Variants in EXTL2 observed in about 807,000 individuals in gnomAD.
The protein encoded by EXTL2 is exostosin like glycosyltransferase 2, also known as exostosin-like 2.
Under a neutral mutation model 30.7 loss-of-function variants are expected in EXTL2, and 23 were observed. The observed-to-expected ratio is 0.75, with a 90% confidence interval of 0.54 to 1.06. The LOEUF is 1.06. Ranked by LOEUF, EXTL2 falls within the 50% of genes least tolerant of loss-of-function variation. EXTL2 has a pLI of 0.00. For synonymous variants in EXTL2, 123 were observed against 133.8 expected, an observed-to-expected ratio of 0.92 and a Z score of 0.56; for missense variants, 352 against 396.3, an observed-to-expected ratio of 0.89 and a Z score of 0.95.
chr1:100,881,406 G>A (rs967943984), intron 2 of EXTL2, among the ~76,000 whole-genome samples: 2 of 152,222 alleles, frequency 1.3e-5, no homozygotes. Context: ...AGCTTTGAAT[G>A]AGAGATATGA....
At chr1:100,891,620 G>T (rs1487398302) in intron 1 of EXTL2, among the ~76,000 whole-genome samples, 2 of 152,140 alleles carry the variant, frequency 1.3e-5, no homozygotes, top group African/African-American at 2.4e-5. Flanking sequence ...TGGTTGGCAG[G>T]TCCAGGTGGG....
chr1:100,879,170 C>A (rs1649371026), intron 2 of EXTL2, among the ~76,000 whole-genome samples: 1 of 152,150 alleles, frequency 6.6e-6, no homozygotes, highest in Admixed American at 6.6e-5. Context: ...CATTTCATTT[C>A]CATGCTTGCT....
Position 100,894,659 on chromosome 1 carries a change from C to T in EXTL2, c.-98G>A, listed in dbSNP as rs3737580. ...TCGAGTGCAGTAGATTGCAGTAGGG[C>T]CAGCCGATTTATTTCCCTGCAGCTT... is the stretch of plus-strand genomic sequence containing the variant. On this transcript the variant is annotated 5_prime_UTR_variant, in exon 1 of 5. Coordinates refer to ENST00000370114, the MANE Select transcript of EXTL2 (RefSeq NM_001033025.3). 0.074 allele frequency: 11,289 copies of T among 152,222 alleles called. 570 individuals are homozygous for T. Among genetic ancestry groups the T allele is most frequent in the South Asian group, 0.19 (913 of 4,818 alleles). The allele number at this position is 152,222 out of a possible 1,614,324, so 9.4% of individuals were successfully genotyped here.
chr1:100,881,092 C>A, intron 2 of EXTL2: 1 of 914,140 alleles, frequency 1.1e-6, no homozygotes, highest in Non-Finnish European at 1.3e-6. Flanking sequence ...TAATTTATGT[C>A]TTTAGAAACA....
At chr1:100,888,276 A>C (rs1331789243) in intron 2 of EXTL2, 1 of 152,498 alleles carries the variant, frequency 6.6e-6, no homozygotes, top group Non-Finnish European at 1.5e-5. Context: ...TACAAGAGTC[A>C]AAAGGCAGAA....
rs1463353421 is a variant in EXTL2, at chr1:100,874,157, A to G, written c.778T>C (p.Ser260Pro). 4 of 1,613,002 alleles carry G rather than the reference A, an allele frequency of 2.5e-6. No homozygotes were observed. The South Asian group carries it at 3.3e-5, about 13-fold the overall frequency. The change falls in exon 5 of 5, where the codon TCA (serine) becomes CCA (proline). Residue 260 changes from serine to proline, a missense_variant. By Grantham distance (74) the Ser-to-Pro change is moderately conservative. Transcript: ENST00000370114. ...TTTACAGGCTTCACAAATATCCCTG[A>G]AGTCTTGCCAATATGCTTGGCAATG... is the stretch of plus-strand genomic sequence containing the variant. The part of the protein sequence containing the change: ...FIIAKHIGKT[S>P]GIFVKPVNMD...
Position 100,888,737 on chromosome 1 carries a change from A to C in EXTL2, c.5+16T>G, listed in dbSNP as rs115405427. ...TTACAACAGTTAAACAAAAGCCAAA[A>C]AATATTGGTACTTACCTCATTGTGT... is the stretch of plus-strand genomic sequence containing the variant. On this transcript the variant is annotated intron_variant, in intron 2 of 4. Transcript: ENST00000370114. 1.4e-3 allele frequency: 2,011 copies of C among 1,484,616 alleles called. 24 individuals carry two copies. In the African/African-American group the frequency reaches 0.019, roughly 14 times the overall value. The allele number at this position is 1,484,616 out of a possible 1,614,324, so 92.0% of individuals were successfully genotyped here. A position where few individuals can be genotyped will look rare whatever the true frequency, so the allele number is the denominator to read the frequency against.
chr1:100,878,597 T>A (rs1649316468), intron 2 of EXTL2: 1 of 397,072 alleles, frequency 2.5e-6, no homozygotes, highest in African/African-American at 2.1e-5. Context: ...AAAGAATAAA[T>A]CAGAATAAGC....
chr1:100,881,333 A>G (rs774937843), intron 2 of EXTL2, among the ~76,000 whole-genome samples: 23 of 152,192 alleles, frequency 1.5e-4, no homozygotes, highest in Admixed American at 6.5e-4. Flanking sequence ...AGGATTTCAC[A>G]GTTTTTGGCG....
intron 2 of EXTL2, among the ~76,000 whole-genome samples, chr1:100,883,052 C>A (rs532105761): frequency 2.8e-4 from 43 of 152,250 alleles, no homozygotes; most frequent in African/African-American, 1.0e-3. Context: ...AGCAGCAGAA[C>A]CAAGAGAAGA....
chr1:100,885,742 A>G (rs1275854801), intron 2 of EXTL2: 1 of 152,214 alleles, frequency 6.6e-6, no homozygotes, highest in Non-Finnish European at 1.5e-5. Context: ...GTTTTTACCC[A>G]CATTCAGGAA....
rs778543006 is a variant in EXTL2, at chr1:100,874,012, G to A, written c.923C>T (p.Pro308Leu). ...AATCATAATGTTGGAGTATCTTAAG[G>A]GCATGCTATCATAGATATTAACAAG... is the stretch of plus-strand genomic sequence containing the variant. ...NKLVNIYDSM[P>L]LRYSNIMISQ... Residue 308 changes from proline (P) to leucine (L), a missense_variant, in exon 5 of 5, where the codon CCC becomes CTC. Pro to Leu is a moderately conservative substitution (Grantham distance 98). Transcript: ENST00000370114. 1 of 1,612,184 alleles carries A rather than the reference G, an allele frequency of 6.2e-7. No homozygotes were observed. Among genetic ancestry groups the A allele is most frequent in the Non-Finnish European group, 8.5e-7 (1 of 1,179,094 alleles).
chr1:100,877,352 T>C lies in EXTL2; in HGVS notation c.433+124A>G. The C allele has an allele frequency of 1.2e-6, 1 of 850,730 alleles. No individual in the cohort carries two copies. The highest frequency in any genetic ancestry group is 1.8e-6 in the Non-Finnish European group (1 of 569,510). The allele number at this position is 850,730 out of a possible 1,614,324, so 52.7% of individuals were successfully genotyped here. On this transcript the variant is annotated intron_variant, in intron 3 of 4. Transcript: ENST00000370114. This position sits in a 1 kb window ranked among gnomAD's most constrained non-coding sequence, Gnocchi z 4.1. ...TTGTCCCTCAAGCTTTCCAAAGTGCTTTCTTAGGACTAACTTCCTTCATTT... is the reference window on the plus strand; with the variant it reads ...TTGTCCCTCAAGCTTTCCAAAGTGCCTTCTTAGGACTAACTTCCTTCATTT...
rs775551984 is a variant in EXTL2, at chr1:100,877,693, C to G, written c.216G>C (p.Thr72=). Residue 72 remains threonine, a synonymous_variant, in exon 3 of 5, where the codon ACG becomes ACC. Transcript: ENST00000370114. The surrounding 1 kb of genome is among the most constrained non-coding windows in gnomAD (Gnocchi z 4.1). ...TCAATAAGAGATCTGTTCTGTTGTA[C>G]GTCTGCATTATGAGAGTAAAGGAGT... ...TMDSFTLIMQ[T]YNRTDLLLKL... is the part of the protein sequence containing the mutation. 1 of 1,613,464 alleles carries G rather than the reference C, an allele frequency of 6.2e-7. No individual in the cohort carries two copies. Among genetic ancestry groups the G allele is most frequent in the Non-Finnish European group, 8.5e-7 (1 of 1,179,620 alleles).
intron 2 of EXTL2, among the ~76,000 whole-genome samples, chr1:100,880,208 C>T (rs1649447558): frequency 6.6e-6 from 1 of 152,092 alleles, no homozygotes; most frequent in South Asian, 2.1e-4. Context: ...CAAGAGCATA[C>T]TCTCCATGAT....
chr1:100,875,488 G>A (rs1039120135), intron 4 of EXTL2, among the ~76,000 whole-genome samples: 6 of 151,902 alleles, frequency 3.9e-5, no homozygotes, highest in African/African-American at 7.3e-5. Flanking sequence ...GAGAAGATGC[G>A]CTATTTATAC....
At chr1:100,880,227 A>G (rs1649449971) in intron 2 of EXTL2, among the ~76,000 whole-genome samples, 1 of 152,170 alleles carries the variant, frequency 6.6e-6, no homozygotes, top group Non-Finnish European at 1.5e-5. Context: ...ATAGGACAGT[A>G]TGCTCAGGCA....
chr1:100,874,514 G>GAAACTGATTTATTACAGACA, intron 4 of EXTL2, 84 bp from the exon 5 acceptor site: 1 of 1,096,252 alleles, frequency 9.1e-7, no homozygotes, highest in African/African-American at 1.6e-5. Flanking sequence ...ATTACAGAGA[G>GAAACTGATTTATTACAGACA]AATGAAACTG....
At position 100,874,499 on chromosome 1, in the gene EXTL2, GATTT is replaced by G. The variant is rs1648949372; in HGVS notation, c.505-73_505-70del. 4.1e-6 allele frequency: 5 copies of G among 1,232,704 alleles called. No individual in the cohort carries two copies. In the South Asian group the frequency reaches 5.9e-5, roughly 15 times the overall value. The allele number at this position is 1,232,704 out of a possible 1,614,324, so 76.4% of individuals were successfully genotyped here. On this transcript the variant is annotated intron_variant, in intron 4 of 4. Coordinates refer to ENST00000370114, the MANE Select transcript of EXTL2 (RefSeq NM_001033025.3). ...GAGAAGACATAGTGAAAAAGGCAAT[GATTT>G]ATTACAGAGAGAATGAAACTGATTT...
Sources: allele counts gnomAD v4.1 joint callset (sites outside exome capture counted in the v4.1 genomes callset), GRCh38; gene constraint gnomAD v4.1.1; non-coding constraint Gnocchi (gnomAD v3.1); transcripts MANE v1.5; gene names NCBI Gene and HGNC (gene_info 2026-07-23, HGNC 2026-07-21).